Variants in LRFN5 observed in about 807,000 individuals in gnomAD.
LRFN5 encodes the protein leucine-rich repeat and fibronectin type-III domain-containing protein 5.
A neutral mutation model predicts 45.6 loss-of-function variants in LRFN5; 24 were observed. The observed-to-expected ratio is 0.53, with a 90% confidence interval of 0.38 to 0.74. The LOEUF (loss-of-function observed/expected upper bound fraction) is 0.74, where lower values mean the gene tolerates loss of function less well. Among genes scored for constraint, LRFN5 ranks in the 30% least tolerant of loss-of-function variants. LRFN5 has a pLI of 0.00. For missense variants in LRFN5, 776 were observed against 861.5 expected (o/e 0.90, Z 1.24); for synonymous variants, 340 against 313.8 (o/e 1.08, Z -0.88).
intron 1 of LRFN5, among the ~76,000 whole-genome samples, chr14:41,765,620 T>C (rs2138879593): frequency 6.6e-6 from 1 of 152,322 alleles, no homozygotes; most frequent in African/African-American, 2.4e-5. Flanking sequence ...AGGCAAACAA[T>C]TGCTGTATCA....
chr14:41,822,181 A>G (rs548927755), intron 2 of LRFN5, among the ~76,000 whole-genome samples: 47 of 151,686 alleles, frequency 3.1e-4, no homozygotes, highest in African/African-American at 1.0e-3. Context: ...TCTTTGTTAT[A>G]TCTTTTCTTC....
chr14:41,887,457 C>T lies in LRFN5; in HGVS notation c.832C>T (p.Pro278Ser), dbSNP rs1382368397. 1.2e-6 allele frequency: 2 copies of T among 1,614,006 alleles called. No homozygotes were observed. The highest frequency in any genetic ancestry group is 1.7e-6 in the Non-Finnish European group (2 of 1,180,038). ...AACTGGCCGCTACTTTTGGTCAATT[C>T]CTGAAGAAGAGTTTTTGTGTGAGCC... Reference protein sequence around the residue: ...LLTGRYFWSIPEEEFLCEPPL... With the variant: ...LLTGRYFWSISEEEFLCEPPL... Residue 278 changes from proline to serine, a missense_variant, in exon 3 of 6, where the codon CCT (proline) becomes TCT (serine). By Grantham distance (74) the Pro-to-Ser change is moderately conservative. Coordinates refer to ENST00000298119, the MANE Select transcript of LRFN5 (RefSeq NM_152447.5). This position sits in a 1 kb window ranked among gnomAD's most constrained non-coding sequence, Gnocchi z 4.8.
intron 2 of LRFN5, among the ~76,000 whole-genome samples, chr14:41,770,898 T>C (rs969832347): frequency 1.3e-5 from 2 of 151,998 alleles, no homozygotes; most frequent in Admixed American, 1.3e-4. Flanking sequence ...AGTTTCTCTG[T>C]GAGGAGCTCC....
intron 3 of LRFN5, among the ~76,000 whole-genome samples, chr14:41,888,400 G>C (rs1295900272): frequency 6.6e-6 from 1 of 152,080 alleles, no homozygotes; most frequent in East Asian, 1.9e-4. Context: ...ATTGCTCAAA[G>C]CACTTTTGGA....
At chr14:41,799,210 C>T (rs1887239297) in intron 2 of LRFN5, among the ~76,000 whole-genome samples, 1 of 151,976 alleles carries the variant, frequency 6.6e-6, no homozygotes, top group East Asian at 1.9e-4. Context: ...CACTAAACGT[C>T]AGAATATGAA....
intron 5 of LRFN5, among the ~76,000 whole-genome samples, chr14:41,901,751 G>A (rs1475874427): frequency 6.6e-6 from 1 of 151,906 alleles, no homozygotes; most frequent in East Asian, 1.9e-4. Flanking sequence ...AAAGAGAAAA[G>A]CAAATTTTAT....
chr14:41,653,554 C>T (rs1055395848), intron 1 of LRFN5, among the ~76,000 whole-genome samples: 16 of 152,122 alleles, frequency 1.1e-4, no homozygotes, highest in South Asian at 6.2e-4. Flanking sequence ...TGAAATGAAG[C>T]AAACAAAGTA....
rs1317535241 is a variant in LRFN5, at chr14:41,674,607, C to T, written c.-197+66045C>T. On this transcript the variant is annotated intron_variant, in intron 1 of 5. Transcript: ENST00000298119. ...GGCGGCTGGCCGGGCAGGGGGCTGA[C>T]CCCCCCACCTCCCTCCTGGACGGGG... is the stretch of plus-strand genomic sequence containing the variant. 8.2e-5 allele frequency among the ~76,000 whole-genome samples: 12 copies of T among 146,252 alleles called. 1 individual carries two copies. The highest frequency in any genetic ancestry group is 2.5e-4 in the African/African-American group (10 of 39,660).
At chr14:41,638,328 C>T (rs1436592576) in intron 1 of LRFN5, among the ~76,000 whole-genome samples, 2 of 151,962 alleles carry the variant, frequency 1.3e-5, no homozygotes, top group African/African-American at 4.8e-5. Flanking sequence ...CTGTGCAATT[C>T]TCCTTAGAAT....
intron 2 of LRFN5, among the ~76,000 whole-genome samples, chr14:41,850,923 A>G (rs1255504984): frequency 6.6e-6 from 1 of 151,834 alleles, no homozygotes; most frequent in East Asian, 1.9e-4. Flanking sequence ...GGATTCCTGA[A>G]TGACAATATC....
intron 1 of LRFN5, among the ~76,000 whole-genome samples, chr14:41,704,340 CT>C (rs1882960034): frequency 6.6e-6 from 1 of 151,240 alleles, no homozygotes; most frequent in South Asian, 2.1e-4. Context: ...TACCTCTGGC[CT>C]TGTATTGCTT....
At chr14:41,849,877 T>G (rs931551744) in intron 2 of LRFN5, among the ~76,000 whole-genome samples, 1 of 152,008 alleles carries the variant, frequency 6.6e-6, no homozygotes, top group African/African-American at 2.4e-5. Context: ...TTGAGATTTT[T>G]TATAGTGATT....
chr14:41,690,826 G>T (rs1882347654), intron 1 of LRFN5, among the ~76,000 whole-genome samples: 1 of 151,868 alleles, frequency 6.6e-6, no homozygotes, highest in Non-Finnish European at 1.5e-5. Flanking sequence ...CATTCAGATT[G>T]TTTATTTACC....
intron 1 of LRFN5, among the ~76,000 whole-genome samples, chr14:41,706,204 G>A (rs923082080): frequency 1.3e-5 from 2 of 151,936 alleles, no homozygotes; most frequent in Non-Finnish European, 2.9e-5. Flanking sequence ...AGGTTCAAGC[G>A]ATTATCCCAC....
intron 1 of LRFN5, among the ~76,000 whole-genome samples, chr14:41,722,611 CG>C (rs1206342690): frequency 6.7e-6 from 1 of 150,328 alleles, no homozygotes; most frequent in Non-Finnish European, 1.5e-5. Flanking sequence ...GTCCCCACTC[CG>C]GGGTGTGATT....
At chr14:41,889,733 A>G (rs1890711691) in intron 3 of LRFN5, among the ~76,000 whole-genome samples, 1 of 152,230 alleles carries the variant, frequency 6.6e-6, no homozygotes, top group South Asian at 2.1e-4. Flanking sequence ...TTTAATGTAT[A>G]CAAAATGTTT....
At chr14:41,830,833 A>G (rs1888452425) in intron 2 of LRFN5, among the ~76,000 whole-genome samples, 1 of 152,144 alleles carries the variant, frequency 6.6e-6, no homozygotes, top group Admixed American at 6.5e-5. Context: ...TGGCCATGGA[A>G]CAAGGGAAGC....
At chr14:41,860,213 A>G (rs1889612998) in intron 2 of LRFN5, among the ~76,000 whole-genome samples, 1 of 152,198 alleles carries the variant, frequency 6.6e-6, no homozygotes, top group Non-Finnish European at 1.5e-5. Flanking sequence ...ATAATAAGGT[A>G]CTCAGCATAC....
chr14:41,736,824 A>G (rs1190631340), intron 1 of LRFN5, among the ~76,000 whole-genome samples: 1 of 152,166 alleles, frequency 6.6e-6, no homozygotes, highest in Non-Finnish European at 1.5e-5. Flanking sequence ...CCCTGAATAG[A>G]CCAATAACAG....
Sources: gnomAD v4.1 joint callset for allele counts (sites outside exome capture counted in the v4.1 genomes callset) on GRCh38, gnomAD v4.1.1 for gene constraint, Gnocchi (gnomAD v3.1) non-coding constraint, MANE v1.5 for transcripts, NCBI Gene and HGNC (gene_info 2026-07-23, HGNC 2026-07-21) for gene names.